CEACAM3: variants seen among roughly 807,000 people sequenced by gnomAD.
CEACAM3 encodes the protein cell adhesion molecule CEACAM3.
In CEACAM3, 32 loss-of-function variants were observed where a neutral mutation model predicts 30.1. The observed-to-expected ratio is 1.06, with a 90% CI of 0.80 to 1.43. CEACAM3 has a LOEUF of 1.43. Among genes scored for constraint, CEACAM3 ranks in the 40% most tolerant of loss-of-function variants. CEACAM3 has a pLI of 0.00. For synonymous variants in CEACAM3, 134 were observed against 127.2 expected (o/e 1.05, Z -0.36); for missense variants, 290 against 316.3 (o/e 0.92, Z 0.63).
At chr19:41,809,000 G>T in intron 3 of CEACAM3, 70 bp downstream of exon 3, 1 of 1,173,382 alleles carries the variant, frequency 8.5e-7, no homozygotes, top group Non-Finnish European at 1.2e-6. Flanking sequence ...AGGAGACCTT[G>T]TCCTGTATTC....
intron 2 of CEACAM3, chr19:41,807,556 AGG>A: frequency 7.7e-7 from 1 of 1,299,736 alleles, no homozygotes; most frequent in South Asian, 1.4e-5. Context: ...CAAGAATAGG[AGG>A]GGAGAGGCTG....
At chr19:41,803,416 T>TTGTGTGTGTGTG (rs1555826235) in intron 2 of CEACAM3, among the ~76,000 whole-genome samples, 9 of 129,284 alleles carry the variant, frequency 7.0e-5, no homozygotes, top group African/African-American at 2.4e-4. Context: ...CAGCAAAGTT[T>TTGTGTGTGTGTG]TGTGTGTGTA....
intron 1 of CEACAM3, 136 bp downstream of exon 1, chr19:41,796,877 A>G: frequency 1.2e-6 from 1 of 827,914 alleles, no homozygotes; most frequent in Admixed American, 3.0e-5. Context: ...TCAGAGAGGG[A>G]CACGGGTCAC....
At position 41,797,650 on chromosome 19, in the gene CEACAM3, G is replaced by A. The variant is rs782786265; in HGVS notation, c.126G>A (p.Pro42=). The change falls in exon 2 of 7, where the codon CCG becomes CCA. Residue 42 remains proline, a synonymous_variant. Coordinates refer to ENST00000357396, the MANE Select transcript of CEACAM3 (RefSeq NM_001815.5). ...TTAKLTIESM[P]LSVAEGKEVL... The stretch of plus-strand genomic sequence containing the variant: ...CCAAGCTCACTATTGAATCCATGCC[G>A]CTCAGTGTCGCAGAGGGGAAGGAGG... 9.3e-6 allele frequency: 15 copies of A among 1,613,980 alleles called. No individual in the cohort carries two copies. The highest frequency in any genetic ancestry group is 2.2e-5 in the South Asian group (2 of 91,084).
At chr19:41,796,829 GA>G in intron 1 of CEACAM3, 88 bp downstream of exon 1, 1 of 1,394,856 alleles carries the variant, frequency 7.2e-7, no homozygotes, top group South Asian at 1.4e-5. Context: ...TCTGATAGGG[GA>G]CAGAAGGCTT....
At chr19:41,803,052 C>T (rs10419827) in intron 2 of CEACAM3, among the ~76,000 whole-genome samples, 75,130 of 151,938 alleles carry the variant, frequency 0.49, 21,278 homozygotes, top group Middle Eastern at 0.73. Context: ...CTGCACAAGA[C>T]AGACTAAGGC....
At chr19:41,804,997 G>A (rs1383528114) in intron 2 of CEACAM3, among the ~76,000 whole-genome samples, 1 of 152,066 alleles carries the variant, frequency 6.6e-6, no homozygotes, top group Non-Finnish European at 1.5e-5. Flanking sequence ...CTGGCATGAT[G>A]TTCAAAGGAA....
intron 6 of CEACAM3, 27 bp from the exon 7 acceptor site, chr19:41,811,145 G>A (rs2073247164): frequency 1.2e-6 from 2 of 1,612,320 alleles, no homozygotes; most frequent in Non-Finnish European, 1.7e-6. Context: ...GACTAGAGGG[G>A]TCCAGGCCTC....
intron 6 of CEACAM3, 120 bp from the exon 7 acceptor site, chr19:41,811,052 C>A: frequency 1.6e-6 from 2 of 1,277,082 alleles, no homozygotes; most frequent in Non-Finnish European, 2.2e-6. Flanking sequence ...GGAGCAGGAA[C>A]CCCCTGAGCA....
At chr19:41,800,265 T>A (rs1015670589) in intron 2 of CEACAM3, among the ~76,000 whole-genome samples, 1 of 152,200 alleles carries the variant, frequency 6.6e-6, no homozygotes, top group African/African-American at 2.4e-5. Context: ...GCGAGCCTTC[T>A]GTTATGCCCA....
intron 2 of CEACAM3, among the ~76,000 whole-genome samples, chr19:41,799,585 G>C (rs1600515141): frequency 1.3e-5 from 2 of 152,150 alleles, no homozygotes; most frequent in Non-Finnish European, 1.5e-5. Flanking sequence ...GTCAGTGCCA[G>C]GAATGTCCGG....
chr19:41,797,103 T>G (rs2073108467), intron 1 of CEACAM3: 2 of 253,796 alleles, frequency 7.9e-6, no homozygotes, highest in South Asian at 8.3e-5. Flanking sequence ...CCTTAACTCA[T>G]CCACCAGTAT....
chr19:41,810,927 C>A (rs782312484), intron 6 of CEACAM3, 30 bp downstream of exon 6: 27 of 1,598,076 alleles, frequency 1.7e-5, no homozygotes, highest in Non-Finnish European at 2.3e-5. Flanking sequence ...GTTCTGGTCC[C>A]ACAGGCCCCA....
chr19:41,811,115 G>T, intron 6 of CEACAM3, 57 bp from the exon 7 acceptor site: 1 of 1,578,738 alleles, frequency 6.3e-7, no homozygotes, highest in Non-Finnish European at 8.7e-7. Flanking sequence ...CCTGGGAGAC[G>T]CCACACCCTG....
chr19:41,808,332 G>T (rs782246852), intron 2 of CEACAM3, among the ~76,000 whole-genome samples: 8 of 152,210 alleles, frequency 5.3e-5, no homozygotes, highest in Non-Finnish European at 1.0e-4. Context: ...TGCAGCTGGG[G>T]GTGATGCCCC....
intron 2 of CEACAM3, among the ~76,000 whole-genome samples, chr19:41,806,626 C>T (rs1465200934): frequency 1.3e-5 from 2 of 152,190 alleles, no homozygotes; most frequent in Non-Finnish European, 2.9e-5. Flanking sequence ...GACGGTCATG[C>T]ATCTGTCTGT....
chr19:41,811,081 G>T, intron 6 of CEACAM3, 91 bp from the exon 7 acceptor site: 1 of 1,450,832 alleles, frequency 6.9e-7, no homozygotes, highest in South Asian at 1.2e-5. Context: ...TTCAGCCCCA[G>T]AGCAGCCCTG....
At chr19:41,803,753 A>AGTGGGTG (rs2073175715) in intron 2 of CEACAM3, among the ~76,000 whole-genome samples, 2 of 45,568 alleles carry the variant, frequency 4.4e-5, no homozygotes, top group Non-Finnish European at 1.0e-4. Context: ...GGCATGAGCC[A>AGTGGGTG]CCATGCCCGG....
chr19:41,810,035 C>T lies in CEACAM3; in HGVS notation c.595+18C>T. 1.2e-6 allele frequency: 2 copies of T among 1,612,826 alleles called. No individual in the cohort carries two copies. Among genetic ancestry groups the T allele is most frequent in the East Asian group, 2.2e-5 (1 of 44,864 alleles). ...TGCCCCTGGTGAGTGTCCTCTCAGC[C>T]CAGGTGTGGCTGGGAACCCCTAGGA... On this transcript the variant is annotated intron_variant, in intron 4 of 6. Transcript: ENST00000357396.
Sources: gnomAD v4.1 joint callset for allele counts (sites outside exome capture counted in the v4.1 genomes callset) on GRCh38, gnomAD v4.1.1 for gene constraint, MANE v1.5 for transcripts, NCBI Gene and HGNC (gene_info 2026-07-23, HGNC 2026-07-21) for gene names.